DORIP1: variants seen among roughly 807,000 people sequenced by gnomAD.
The protein encoded by DORIP1 is dopamine receptor-interacting protein 1.
the DORIP1 span, chr14:44,903,173 A>G: frequency 7.0e-7 from 1 of 1,431,236 alleles, no homozygotes; most frequent in South Asian, 1.2e-5. Context: ...AAAATGTTGA[A>G]GCAGTTCTTA....
chr14:44,900,354 T>A, the DORIP1 span: 3 of 1,238,630 alleles, frequency 2.4e-6, no homozygotes, highest in Non-Finnish European at 2.1e-6. Flanking sequence ...TTAGATGGAT[T>A]TATTTTCGTT....
chr14:44,900,994 CTTTT>C, the DORIP1 span: 1 of 1,529,314 alleles, frequency 6.5e-7, no homozygotes, highest in African/African-American at 1.4e-5. Context: ...GTCACTTTTA[CTTTT>C]TTTAATGAAT....
the DORIP1 span, chr14:44,906,933 A>T: frequency 6.6e-5 from 10 of 152,168 alleles, no homozygotes; most frequent in South Asian, 2.1e-4. Context: ...AAAAAAAAAA[A>T]TTCACCCCAA....
At chr14:44,904,420 C>T in the DORIP1 span, 1 of 1,609,868 alleles carries the variant, frequency 6.2e-7, no homozygotes, top group Non-Finnish European at 8.5e-7. Context: ...AGAATTTTCC[C>T]AACGAATTTT....
the DORIP1 span, chr14:44,905,572 T>A: frequency 6.9e-7 from 1 of 1,456,054 alleles, no homozygotes; most frequent in East Asian, 2.4e-5. Flanking sequence ...TGCTAAAAGT[T>A]GTTTTCCCTC....
At chr14:44,903,196 A>C in the DORIP1 span, 1 of 1,581,066 alleles carries the variant, frequency 6.3e-7, no homozygotes, top group Non-Finnish European at 8.7e-7. Context: ...TGCATTTAAT[A>C]ATTATTATAG....
At chr14:44,903,170 T>C in the DORIP1 span, 2 of 1,412,780 alleles carry the variant, frequency 1.4e-6, no homozygotes, top group Non-Finnish European at 2.0e-6. Flanking sequence ...TATAAAATGT[T>C]GAAGCAGTTC....
At chr14:44,899,178 A>C in the DORIP1 span, 1 of 152,368 alleles carries the variant, frequency 6.6e-6, no homozygotes, top group Admixed American at 6.5e-5. Flanking sequence ...TTTCAAAAGT[A>C]TGTGCGCTAT....
At chr14:44,900,944 G>A in the DORIP1 span, 115 of 1,579,540 alleles carry the variant, frequency 7.3e-5, no homozygotes, top group Middle Eastern at 1.7e-4. Flanking sequence ...GATCAGCAGC[G>A]CACAATTAAT....
chr14:44,904,817 T>C, the DORIP1 span: 1 of 253,530 alleles, frequency 3.9e-6, no homozygotes, highest in Middle Eastern at 1.2e-3. Flanking sequence ...ACATGTCAGT[T>C]TTCTTATCTA....
the DORIP1 span, chr14:44,903,498 T>A: frequency 8.5e-7 from 1 of 1,182,330 alleles, no homozygotes; most frequent in Non-Finnish European, 1.0e-6. Context: ...TACCTTTTCT[T>A]TTTTCCCCCC....
chr14:44,905,215 A>G, the DORIP1 span: 9 of 458,860 alleles, frequency 2.0e-5, no homozygotes, highest in South Asian at 1.8e-4. Context: ...CACATTTCCA[A>G]TTTTATTACA....
At chr14:44,903,486 A>G in the DORIP1 span, 1 of 1,219,324 alleles carries the variant, frequency 8.2e-7, no homozygotes. Flanking sequence ...ATACAAAGCA[A>G]ATACCTTTTC....
chr14:44,903,087 A>G, the DORIP1 span: 11 of 643,056 alleles, frequency 1.7e-5, no homozygotes, highest in Non-Finnish European at 3.0e-5. Context: ...AATGTGTCAT[A>G]AAGGTTATAC....
chr14:44,900,573 ACT>A, the DORIP1 span: 1 of 1,611,466 alleles, frequency 6.2e-7, no homozygotes, highest in African/African-American at 1.3e-5. Context: ...CCTGTACACC[ACT>A]CTATGTTGAA....
At chr14:44,902,044 A>T in the DORIP1 span, among the ~76,000 whole-genome samples, 1 of 152,250 alleles carries the variant, frequency 6.6e-6, no homozygotes, top group African/African-American at 2.4e-5. Flanking sequence ...AAACAGCCTG[A>T]TAGATCGTTC....
the DORIP1 span, among the ~76,000 whole-genome samples, chr14:44,902,992 G>C: frequency 6.6e-6 from 1 of 152,048 alleles, no homozygotes; most frequent in Non-Finnish European, 1.5e-5. Context: ...TATCAGGATT[G>C]TTTATACAAA....
the DORIP1 span, chr14:44,900,313 G>T: frequency 1.1e-6 from 1 of 894,904 alleles, no homozygotes; most frequent in Non-Finnish European, 1.5e-6. Context: ...GCTATGTTGG[G>T]AGGCCTAATA....
At chr14:44,898,215 A>G in the DORIP1 span, among the ~76,000 whole-genome samples, 157 of 152,158 alleles carry the variant, frequency 1.0e-3, 2 homozygotes, top group Non-Finnish European at 5.1e-4. Context: ...CTATCTTTCC[A>G]TCATTTTTCC....
Sources: allele counts gnomAD v4.1 joint callset (sites outside exome capture counted in the v4.1 genomes callset), GRCh38; gene constraint gnomAD v4.1.1; transcripts MANE v1.5; gene names NCBI Gene and HGNC (gene_info 2026-07-23, HGNC 2026-07-21).